The following RNF44 variants were observed in gnomAD, a reference collection of about 807,000 sequenced individuals.
RNF44 encodes ring finger protein 44.
A neutral mutation model predicts 53.6 loss-of-function variants in RNF44; 25 were observed. The ratio of observed to expected loss-of-function variants is 0.47; its 90% confidence interval spans 0.34 to 0.65. The LOEUF (loss-of-function observed/expected upper bound fraction) is 0.65, where lower values mean the gene tolerates loss of function less well. Ranked by LOEUF, RNF44 falls within the 30% of genes least tolerant of loss-of-function variation. The pLI is 0.01. For missense variants in RNF44, 581 were observed against 595.5 expected, an observed-to-expected ratio of 0.98 and a Z score of 0.25; for synonymous variants, 282 against 252.2, an observed-to-expected ratio of 1.12 and a Z score of -1.12.
rs1756618042 is a variant in RNF44, at chr5:176,531,102, C to G, written c.466-81G>C. 1.9e-6 allele frequency: 2 copies of G among 1,055,698 alleles called. No homozygotes were observed. The highest frequency in any genetic ancestry group is 2.2e-5 in the South Asian group (1 of 45,436). The allele number at this position is 1,055,698 out of a possible 1,614,324, so 65.4% of individuals were successfully genotyped here. A position where few individuals can be genotyped will look rare whatever the true frequency, so the allele number is the denominator to read the frequency against. Reference sequence around the variant, plus strand: ...CTACGCCATGCCACCCAGCAAAAGGCCCCCACCGGGCACACACCCAGCAGC... The same window carrying G: ...CTACGCCATGCCACCCAGCAAAAGGGCCCCACCGGGCACACACCCAGCAGC... On this transcript the variant is annotated intron_variant, in intron 4 of 10. Coordinates refer to ENST00000274811, the MANE Select transcript of RNF44 (RefSeq NM_014901.5). The surrounding 1 kb of genome is among the most constrained non-coding windows in gnomAD (Gnocchi z 4.2).
At chr5:176,529,977 G>A in intron 7 of RNF44, 105 bp downstream of exon 7, 1 of 1,413,724 alleles carries the variant, frequency 7.1e-7, no homozygotes, top group South Asian at 1.5e-5. Flanking sequence ...AACGCCAGGT[G>A]GCTTCAGAGG....
In RNF44 at chr5:176,531,841, TG is replaced by T; in HGVS notation, c.297+162del. Reference sequence around the variant, plus strand: ...ATCTAGCTCTGCTAGTCACCCAGTGTGGCCCTTTCCCCGGGCCTCAGTTTAC... The same window carrying T: ...ATCTAGCTCTGCTAGTCACCCAGTGTGCCCTTTCCCCGGGCCTCAGTTTAC... On this transcript the variant is annotated intron_variant, in intron 3 of 10. Transcript: ENST00000274811. The surrounding 1 kb of genome is among the most constrained non-coding windows in gnomAD (Gnocchi z 4.2). The T allele has an allele frequency of 1.1e-6, 1 of 878,502 alleles. No homozygotes were observed. Among genetic ancestry groups the T allele is most frequent in the Non-Finnish European group, 1.7e-6 (1 of 581,656 alleles). The allele number at this position is 878,502 out of a possible 1,614,324, so 54.4% of individuals were successfully genotyped here.
chr5:176,530,083 G>C lies in RNF44; in HGVS notation c.925C>G (p.Leu309Val). 8.3e-7 allele frequency: 1 copy of C among 1,210,342 alleles called. No individual in the cohort carries two copies. The highest frequency in any genetic ancestry group is 3.6e-5 in the Admixed American group (1 of 28,116). 75.0% of individuals were successfully genotyped at this position (1,210,342 alleles called of 1,614,324 possible). A position where few individuals can be genotyped will look rare whatever the true frequency, so the allele number is the denominator to read the frequency against. Reference protein sequence around the residue: ...PYYPSFLPYFLSMLPMSPTAM... With the variant: ...PYYPSFLPYFVSMLPMSPTAM... ...TGGGGCGGATGTGCGGATACTTACA[G>C]GAAGTAGGGCAGGAAGCTGGGGTAG... The change falls in exon 7 of 11, where the codon CTC becomes GTC. Residue 309 changes from leucine (L) to valine (V), a missense_variant and splice_region_variant. Coordinates refer to ENST00000274811, the MANE Select transcript of RNF44 (RefSeq NM_014901.5).
At position 176,531,711 on chromosome 5, in the gene RNF44, C is replaced by T. The variant is rs991628459; in HGVS notation, c.298-81G>A. On this transcript the variant is annotated intron_variant, in intron 3 of 10. Coordinates refer to ENST00000274811, the MANE Select transcript of RNF44 (RefSeq NM_014901.5). This position sits in a 1 kb window ranked among gnomAD's most constrained non-coding sequence, Gnocchi z 4.2. ...ACTCTCAGGAGAAATCATCCTGCCA[C>T]ATCCAGCTGCCGGCTCCCTTCCCTT... 2.2e-6 allele frequency: 3 copies of T among 1,391,248 alleles called. No homozygotes were observed. The highest frequency in any genetic ancestry group is 1.4e-5 in the African/African-American group (1 of 69,602). 86.2% of individuals were successfully genotyped at this position (1,391,248 alleles called of 1,614,324 possible).
rs1561841622 is a variant in RNF44, at chr5:176,529,003, C to G, written c.*25G>C. ...AGTTTCCAGAGCTTCAGGCAGGGTTCTCCCGGGCAGGCGGCTGCGTGGCCT... is the reference window on the plus strand; with the variant it reads ...AGTTTCCAGAGCTTCAGGCAGGGTTGTCCCGGGCAGGCGGCTGCGTGGCCT... On this transcript the variant is annotated 3_prime_UTR_variant, in exon 11 of 11. Transcript: ENST00000274811. 3.1e-6 allele frequency: 5 copies of G among 1,605,870 alleles called. No homozygotes were observed. In the South Asian group the frequency reaches 5.5e-5, roughly 18 times the overall value.
At position 176,530,623 on chromosome 5, in the gene RNF44, G is replaced by A. The variant is rs1205461377; in HGVS notation, c.760C>T (p.Leu254=). 2 of 1,505,198 alleles carry A rather than the reference G, an allele frequency of 1.3e-6. No individual in the cohort carries two copies. Among genetic ancestry groups the A allele is most frequent in the South Asian group, 2.5e-5 (2 of 78,876 alleles). The allele number at this position is 1,505,198 out of a possible 1,614,324, so 93.2% of individuals were successfully genotyped here. ...ALSPSVPLHY[L]PHDPLHQELS... Reference sequence around the variant, plus strand: ...TCCTGGTGCAGCGGATCGTGGGGCAGGTAGTGCAGGGGCACCGACGGGGAA... The same window carrying A: ...TCCTGGTGCAGCGGATCGTGGGGCAAGTAGTGCAGGGGCACCGACGGGGAA... The change falls in exon 6 of 11, where the codon CTG becomes TTG. Residue 254 remains leucine (L), a synonymous_variant. Transcript: ENST00000274811.
chr5:176,530,321 GCAAGTCAGCCCGGT>G (rs879776108), intron 6 of RNF44, 115 bp from the exon 7 acceptor site: 13,944 of 248,976 alleles, frequency 0.056, 2,833 homozygotes, highest in Admixed American at 0.11. Flanking sequence ...GAGCCCAGGT[GCAAGTCAGCCCGGT>G]GGGCCTGCCT....
Position 176,531,346 on chromosome 5 carries a change from A to T in RNF44, c.465+117T>A. ...CTGGGGAGGCCAGGCAGGCGCTCTG[A>T]CAGCCTGGATGGCTGGATAGCTCAG... is the stretch of plus-strand genomic sequence containing the variant. On this transcript the variant is annotated intron_variant, in intron 4 of 10. Transcript: ENST00000274811. The surrounding 1 kb of genome is among the most constrained non-coding windows in gnomAD (Gnocchi z 4.2). The T allele has an allele frequency of 9.7e-7, 1 of 1,027,384 alleles. No individual in the cohort carries two copies. The highest frequency in any genetic ancestry group is 1.4e-6 in the Non-Finnish European group (1 of 723,382). 63.6% of individuals were successfully genotyped at this position (1,027,384 alleles called of 1,614,324 possible).
rs921512617 is a variant in RNF44, at chr5:176,527,070, A to G, written c.*1958T>C. 2 of 152,194 alleles carry G rather than the reference A, an allele frequency of 1.3e-5. No homozygotes were observed. The highest frequency in any genetic ancestry group is 2.4e-5 in the African/African-American group (1 of 41,368). The allele number at this position is 152,194 out of a possible 1,614,324, so 9.4% of individuals were successfully genotyped here. Reference sequence around the variant, plus strand: ...CAAAATTACATATATTTCTACATATATATGTAATTTTATATATATATAAAA... The same window carrying G: ...CAAAATTACATATATTTCTACATATGTATGTAATTTTATATATATATAAAA... On this transcript the variant is annotated 3_prime_UTR_variant, in exon 11 of 11. Coordinates refer to ENST00000274811, the MANE Select transcript of RNF44 (RefSeq NM_014901.5).
rs1379215180 is a variant in RNF44, at chr5:176,532,160, AG to A, written c.140del (p.Pro47LeufsTer21). The A allele has an allele frequency of 1.4e-5, 21 of 1,555,126 alleles. No homozygotes were observed. The highest frequency in any genetic ancestry group is 2.0e-5 in the Admixed American group (1 of 48,920). ...PGLEGPLASP[P>X]ARDERLPSQQ... is the part of the protein sequence containing the mutation. ...GGGAGGGTAAGCGCTCATCCCGGGC[AG>A]GCGGGCTGGCCAGGGGGCCCTCGAG... On this transcript the variant is annotated frameshift_variant, in exon 3 of 11. Transcript: ENST00000274811. LOFTEE classifies it high-confidence loss of function.
rs2113139758 is a variant in RNF44, at chr5:176,532,391, T to G, written c.82A>C (p.Ser28Arg). 6.2e-7 allele frequency: 1 copy of G among 1,608,298 alleles called. No homozygotes were observed. Among genetic ancestry groups the G allele is most frequent in the Non-Finnish European group, 8.5e-7 (1 of 1,178,342 alleles). ...CTTCCCCAGAGCTGGCCCGGGGTGC[T>G]GCCAGGTCCCGCAGAGAATCGCCGC... ...GQRRFSAGPG[S>R]TPGQLWGSPG... The change falls in exon 2 of 11, where the codon AGC (serine) becomes CGC (arginine). Residue 28 changes from serine (S) to arginine (R), a missense_variant. Ser to Arg is a moderately radical substitution (Grantham distance 110). Around this residue, in one of 3 missense-constraint regions of RNF44, gnomAD observed 387 missense variants for 366.0 expected, o/e 1.06. Coordinates refer to ENST00000274811, the MANE Select transcript of RNF44 (RefSeq NM_014901.5).
chr5:176,536,812 C>G (rs1415240234), intron 1 of RNF44, 128 bp downstream of exon 1: 1 of 152,182 alleles, frequency 6.6e-6, no homozygotes, highest in East Asian at 1.9e-4. Context: ...TCTCGCTGCC[C>G]GCAGTCTGGA....
At chr5:176,535,738 C>G (rs1025593941) in intron 1 of RNF44, among the ~76,000 whole-genome samples, 1 of 152,082 alleles carries the variant, frequency 6.6e-6, no homozygotes, top group Non-Finnish European at 1.5e-5. Flanking sequence ...GAGAAGCAAG[C>G]AAGGCCCAGA....
At position 176,531,688 on chromosome 5, in the gene RNF44, T is replaced by C. The variant is rs978855105; in HGVS notation, c.298-58A>G. ...AAAGGAAGCTGACCGCGAGGGCTAC[T>C]CTCAGGAGAAATCATCCTGCCACAT... On this transcript the variant is annotated intron_variant, in intron 3 of 10. Coordinates refer to ENST00000274811, the MANE Select transcript of RNF44 (RefSeq NM_014901.5). The surrounding 1 kb of genome is among the most constrained non-coding windows in gnomAD (Gnocchi z 4.2). 2.7e-6 allele frequency: 4 copies of C among 1,508,808 alleles called. No homozygotes were observed. Among genetic ancestry groups the C allele is most frequent in the African/African-American group, 1.4e-5 (1 of 72,232 alleles). 93.5% of individuals were successfully genotyped at this position (1,508,808 alleles called of 1,614,324 possible).
At chr5:176,542,549 A>T (rs1757472476), upstream of RNF44, 1 of 151,782 alleles carries the variant, frequency 6.6e-6, no homozygotes, top group Non-Finnish European at 1.5e-5. Flanking sequence ...AGTGATGAAA[A>T]CCGAGGGCTG....
At chr5:176,534,864 C>A (rs1757017173) in intron 1 of RNF44, among the ~76,000 whole-genome samples, 1 of 152,220 alleles carries the variant, frequency 6.6e-6, no homozygotes, top group Non-Finnish European at 1.5e-5. Context: ...GCAGTCTGGC[C>A]ATAAAGCACC....
upstream of RNF44, among the ~76,000 whole-genome samples, chr5:176,538,439 C>A (rs1757361395): frequency 6.6e-6 from 1 of 152,152 alleles, no homozygotes; most frequent in African/African-American, 2.4e-5. Context: ...GCCCACCCAC[C>A]CGGGCAAAAT....
At position 176,529,384 on chromosome 5, in the gene RNF44, A is replaced by G; in HGVS notation, c.1140T>C (p.Cys380=). 3 of 1,612,220 alleles carry G rather than the reference A, an allele frequency of 1.9e-6. No homozygotes were observed. Among genetic ancestry groups the G allele is most frequent in the Middle Eastern group, 1.7e-4 (1 of 6,056 alleles). The change falls in exon 10 of 11, where the codon TGT becomes TGC. Residue 380 remains cysteine (C), a synonymous_variant. Coordinates refer to ENST00000274811, the MANE Select transcript of RNF44 (RefSeq NM_014901.5). ...CCTCGAAGTCACTGAAGCAGACCAC[A>G]CACCTGTGGAGGGGCGCGGAGCGTC... ...PDSHQSEQTL[C]VVCFSDFEAR...
chr5:176,542,565 G>A (rs1429101096), upstream of RNF44: 1 of 152,224 alleles, frequency 6.6e-6, no homozygotes, highest in African/African-American at 2.4e-5. Context: ...GGCTGCAGGA[G>A]TGCGGACCCT....
Sources: gnomAD v4.1 joint callset for allele counts (sites outside exome capture counted in the v4.1 genomes callset) on GRCh38, gnomAD v4.1.1 for gene constraint, gnomAD v4.1.1 regional missense constraint, Gnocchi (gnomAD v3.1) non-coding constraint, MANE v1.5 for transcripts, NCBI Gene and HGNC (gene_info 2026-07-23, HGNC 2026-07-21) for gene names.